Variants in ESRRG observed in about 807,000 individuals in gnomAD.
The protein encoded by ESRRG is estrogen related receptor gamma.
In ESRRG, 13 loss-of-function variants were observed where a neutral mutation model predicts 44.0. That is an observed-to-expected ratio of 0.30 (90% CI 0.19 to 0.47). The LOEUF (loss-of-function observed/expected upper bound fraction) is 0.47. Among genes scored for constraint, ESRRG ranks in the 20% least tolerant of loss-of-function variants. The pLI, the probability that ESRRG is intolerant of heterozygous loss-of-function variation, is 1.00. For synonymous variants in ESRRG, 215 were observed against 214.6 expected, an observed-to-expected ratio of 1.00 and a Z score of -0.02; for missense variants, 395 against 580.6, an observed-to-expected ratio of 0.68 and a Z score of 3.29.
intron 1 of ESRRG, among the ~76,000 whole-genome samples, chr1:217,099,969 A>G (rs1362708530): frequency 6.8e-6 from 1 of 146,076 alleles, no homozygotes; most frequent in Non-Finnish European, 1.5e-5. Context: ...GTTCCGTTAC[A>G]TTTTCTTTTT....
intron 1 of ESRRG, among the ~76,000 whole-genome samples, chr1:217,017,326 C>G (rs2079547458): frequency 6.6e-6 from 1 of 151,850 alleles, no homozygotes; most frequent in Admixed American, 6.6e-5. Context: ...AAAAATAACC[C>G]CTCTCAGCCT....
chr1:216,569,111 A>AGGAAGGAAGGAAGGAAGAAGGAAGGAAG (rs1553355981), intron 3 of ESRRG, among the ~76,000 whole-genome samples: 30 of 104,360 alleles, frequency 2.9e-4, no homozygotes, highest in Non-Finnish European at 5.3e-4. Flanking sequence ...GAAGGAAGGA[A>AGGAAGGAAGGAAGGAAGAAGGAAGGAAG]GAAGGAAGGA....
At chr1:217,094,940 G>C (rs1477517809) in intron 1 of ESRRG, among the ~76,000 whole-genome samples, 22 of 152,126 alleles carry the variant, frequency 1.4e-4, no homozygotes, top group Non-Finnish European at 2.9e-4. Flanking sequence ...TTTATATAAG[G>C]CAAATTCCTT....
At chr1:216,678,814 C>A (rs2076542097) in intron 1 of ESRRG, among the ~76,000 whole-genome samples, 1 of 152,136 alleles carries the variant, frequency 6.6e-6, no homozygotes, top group Non-Finnish European at 1.5e-5. Flanking sequence ...AATGGTCATT[C>A]ACTAGAATTT....
At chr1:216,635,115 C>G (rs552483287) in intron 3 of ESRRG, among the ~76,000 whole-genome samples, 82 of 152,232 alleles carry the variant, frequency 5.4e-4, no homozygotes, top group African/African-American at 1.9e-3. Context: ...AAACCAGCAT[C>G]AAAGGATATA....
chr1:217,063,680 G>T (rs561967837), intron 1 of ESRRG, among the ~76,000 whole-genome samples: 1 of 152,156 alleles, frequency 6.6e-6, no homozygotes, highest in East Asian at 1.9e-4. Flanking sequence ...GCACCACAGG[G>T]TGGGAAGAGG....
At chr1:216,949,194 G>T (rs1314861889) in intron 1 of ESRRG, among the ~76,000 whole-genome samples, 2 of 152,178 alleles carry the variant, frequency 1.3e-5, no homozygotes, top group Non-Finnish European at 2.9e-5. Flanking sequence ...TCTGGATTTA[G>T]ATGAAAGGAG....
At chr1:216,951,717 A>ATG (rs59233267) in intron 1 of ESRRG, among the ~76,000 whole-genome samples, 5,060 of 143,608 alleles carry the variant, frequency 0.035, 104 homozygotes, top group South Asian at 0.055. Flanking sequence ...AACTATCACT[A>ATG]TGTGTGTGTG....
intron 2 of ESRRG, among the ~76,000 whole-genome samples, chr1:216,801,796 C>T (rs1024474034): frequency 2.0e-5 from 3 of 151,990 alleles, no homozygotes; most frequent in African/African-American, 7.3e-5. Context: ...GGATGGTTTT[C>T]CTGCTATTGA....
At chr1:216,821,674 G>T (rs2148618492) in intron 2 of ESRRG, among the ~76,000 whole-genome samples, 1 of 93,188 alleles carries the variant, frequency 1.1e-5, no homozygotes. Flanking sequence ...GACAGAACAA[G>T]AACCTGCCTC....
At chr1:216,937,725 C>CT (rs2064388551) in intron 2 of ESRRG, among the ~76,000 whole-genome samples, 1 of 152,174 alleles carries the variant, frequency 6.6e-6, no homozygotes, top group Admixed American at 6.5e-5. Flanking sequence ...TTCTGCCAGG[C>CT]TGGGGACCTG....
chr1:216,642,839 C>A (rs1001306106), intron 3 of ESRRG, among the ~76,000 whole-genome samples: 4 of 151,998 alleles, frequency 2.6e-5, no homozygotes, highest in Non-Finnish European at 4.4e-5. Flanking sequence ...GAGGTTTTTA[C>A]AGAAGATATT....
chr1:216,970,215 C>A (rs2071359493), intron 1 of ESRRG, among the ~76,000 whole-genome samples: 1 of 152,058 alleles, frequency 6.6e-6, no homozygotes, highest in South Asian at 2.1e-4. Context: ...ACTGGAAAAT[C>A]CACAAATAAA....
intron 2 of ESRRG, among the ~76,000 whole-genome samples, chr1:216,938,866 A>C (rs547572197): frequency 2.6e-5 from 4 of 152,338 alleles, no homozygotes; most frequent in Admixed American, 2.6e-4. Context: ...AAGAATCTTT[A>C]CATGCTATGA....
intron 2 of ESRRG, among the ~76,000 whole-genome samples, chr1:216,757,541 G>A (rs961521440): frequency 3.9e-5 from 6 of 151,952 alleles, no homozygotes; most frequent in African/African-American, 1.4e-4. Context: ...TAATGAAAAT[G>A]TAAGTGAGGC....
At chr1:216,715,586 C>T (rs558988578) in intron 1 of ESRRG, among the ~76,000 whole-genome samples, 1 of 152,182 alleles carries the variant, frequency 6.6e-6, no homozygotes, top group African/African-American at 2.4e-5. Context: ...AATTGAACAA[C>T]CTCACAGTTT....
intron 2 of ESRRG, among the ~76,000 whole-genome samples, chr1:216,659,156 C>T (rs2071580732): frequency 6.6e-6 from 1 of 152,124 alleles, no homozygotes; most frequent in South Asian, 2.1e-4. Flanking sequence ...AGAGAACTGT[C>T]TTAACATCCC....
intron 1 of ESRRG, among the ~76,000 whole-genome samples, chr1:217,116,850 A>G (rs2092736449): frequency 1.3e-5 from 2 of 152,152 alleles, no homozygotes; most frequent in African/African-American, 4.8e-5. Context: ...AAGAATCTCT[A>G]CTATTAAAGG....
At chr1:216,889,087 C>G (rs923449642) in intron 2 of ESRRG, among the ~76,000 whole-genome samples, 1 of 152,158 alleles carries the variant, frequency 6.6e-6, no homozygotes, top group Middle Eastern at 3.2e-3. Context: ...CTTCCTGTGC[C>G]TATCAACTGA....
Sources: allele counts gnomAD v4.1 joint callset (sites outside exome capture counted in the v4.1 genomes callset), GRCh38; gene constraint gnomAD v4.1.1; transcripts MANE v1.5; gene names NCBI Gene and HGNC (gene_info 2026-07-23, HGNC 2026-07-21).